Variants in PECR observed in about 807,000 individuals in gnomAD.
PECR encodes peroxisomal trans-2-enoyl-CoA reductase, also known as 2,4-dienoyl-CoA reductase-related protein.
A neutral mutation model predicts 35.3 loss-of-function variants in PECR; 30 were observed. That is an observed-to-expected ratio of 0.85 (90% confidence interval 0.64 to 1.15). The LOEUF is 1.15. Among genes scored for constraint, PECR ranks in the 50% most tolerant of loss-of-function variants. The pLI is 0.00. For missense variants in PECR, 392 were observed against 370.8 expected, an observed-to-expected ratio of 1.06 and a Z score of -0.47; for synonymous variants, 148 against 138.9, an observed-to-expected ratio of 1.07 and a Z score of -0.46.
rs112289571 is a variant in PECR, at chr2:216,029,529, C to G, written c.*440+9662G>C. 3.9e-3 allele frequency among the ~76,000 whole-genome samples: 590 copies of G among 152,296 alleles called. 4 individuals carry two copies. The highest frequency in any genetic ancestry group is 0.013 in the African/African-American group (559 of 41,572). On this transcript the variant is annotated intron_variant and NMD_transcript_variant, in intron 7 of 7. Coordinates refer to the PECR transcript ENST00000442122. ...GACGACAAAGGCAAAATGATAAACA[C>G]AAGGCAGAAGGTGCTTATGCACCTC...
chr2:216,045,840 G>A (rs1377903694), intron 6 of PECR, among the ~76,000 whole-genome samples: 2 of 152,172 alleles, frequency 1.3e-5, no homozygotes, highest in Non-Finnish European at 2.9e-5. Context: ...TCCCACCCAA[G>A]TAGTCACAAC....
chr2:216,035,577 C>A (rs1390803291), downstream of PECR, among the ~76,000 whole-genome samples: 1 of 151,952 alleles, frequency 6.6e-6, no homozygotes, highest in Non-Finnish European at 1.5e-5. Flanking sequence ...AATCTCCGCC[C>A]TCAGGTTCAA....
At chr2:216,058,466 G>C (rs1048966721) in intron 4 of PECR, among the ~76,000 whole-genome samples, 1 of 152,072 alleles carries the variant, frequency 6.6e-6, no homozygotes, top group Non-Finnish European at 1.5e-5. Context: ...CTGTTAGGAG[G>C]AACAACTTAG....
At chr2:216,052,836 G>T (rs1378004356) in intron 4 of PECR, among the ~76,000 whole-genome samples, 2 of 152,080 alleles carry the variant, frequency 1.3e-5, no homozygotes, top group Non-Finnish European at 2.9e-5. Context: ...CTGTCTCACA[G>T]TTCACGAATG....
At chr2:216,045,684 A>T (rs1694975701) in intron 6 of PECR, among the ~76,000 whole-genome samples, 1 of 152,254 alleles carries the variant, frequency 6.6e-6, no homozygotes, top group Non-Finnish European at 1.5e-5. Flanking sequence ...GTACTGAGAC[A>T]TGGTAACAAG....
At chr2:216,065,991 G>A (rs1429032243) in intron 2 of PECR, among the ~76,000 whole-genome samples, 3 of 152,196 alleles carry the variant, frequency 2.0e-5, no homozygotes, top group African/African-American at 7.2e-5. Context: ...GGGCATGGTG[G>A]CATGCACCTA....
At chr2:216,031,409 GAAGAAAGGAAGAAAGAAAGAA>G (rs1177745034) in intron 7 of PECR, among the ~76,000 whole-genome samples, 77 of 111,754 alleles carry the variant, frequency 6.9e-4, no homozygotes, top group East Asian at 3.0e-3. Flanking sequence ...AGGAAGAAAG[GAAGAAAGGAAGAAAGAAAGAA>G]AAGAAAGAAA....
chr2:216,047,708 G>A (rs1695022708), intron 6 of PECR, among the ~76,000 whole-genome samples: 1 of 152,112 alleles, frequency 6.6e-6, no homozygotes, highest in Non-Finnish European at 1.5e-5. Flanking sequence ...ATACCATGAA[G>A]GGTAATCCTC....
In PECR at chr2:216,038,490, C is replaced by G. The variant is rs1027493098; in HGVS notation, c.*785G>C. 6.6e-6 allele frequency: 1 copy of G among 152,206 alleles called. No individual in the cohort carries two copies. Among genetic ancestry groups the G allele is most frequent in the Non-Finnish European group, 1.5e-5 (1 of 68,034 alleles). The allele number at this position is 152,206 out of a possible 1,614,324, so 9.4% of individuals were successfully genotyped here. A position where few individuals can be genotyped will look rare whatever the true frequency, so the allele number is the denominator to read the frequency against. ...CAATAATTACCATAAGGCATTATTGCTCCTAAAGTATTTGCCACCAAAAAT... is the reference window on the plus strand; with the variant it reads ...CAATAATTACCATAAGGCATTATTGGTCCTAAAGTATTTGCCACCAAAAAT... On this transcript the variant is annotated 3_prime_UTR_variant, in exon 8 of 8. Transcript: ENST00000265322.
chr2:216,062,379 A>G (rs893308052), intron 3 of PECR, among the ~76,000 whole-genome samples: 1 of 152,158 alleles, frequency 6.6e-6, no homozygotes, highest in Non-Finnish European at 1.5e-5. Context: ...GGTATACAGA[A>G]ATCCATTGTA....
chr2:216,048,038 T>C (rs1695029239), intron 6 of PECR, among the ~76,000 whole-genome samples: 1 of 151,766 alleles, frequency 6.6e-6, no homozygotes, highest in Admixed American at 6.6e-5. Context: ...TTCATTTTTA[T>C]TATTGTGGGA....
intron 1 of PECR, among the ~76,000 whole-genome samples, chr2:216,067,680 C>T (rs932405132): frequency 6.6e-6 from 1 of 151,964 alleles, no homozygotes; most frequent in Non-Finnish European, 1.5e-5. Context: ...CCTCAGCCCC[C>T]CAAGTAGCTG....
intron 1 of PECR, among the ~76,000 whole-genome samples, chr2:216,079,685 T>C (rs1388553745): frequency 6.7e-6 from 1 of 148,560 alleles, no homozygotes; most frequent in Non-Finnish European, 1.5e-5. Flanking sequence ...ATATATTTTA[T>C]TAAAAGTAAA....
At chr2:216,072,810 T>C (rs1308883892) in intron 1 of PECR, among the ~76,000 whole-genome samples, 1 of 152,220 alleles carries the variant, frequency 6.6e-6, no homozygotes, top group African/African-American at 2.4e-5. Flanking sequence ...CTACTATGAA[T>C]AGTGCTGTGA....
intron 7 of PECR, among the ~76,000 whole-genome samples, chr2:216,029,454 C>G (rs1033498394): frequency 7.9e-6 from 1 of 126,988 alleles, no homozygotes; most frequent in Non-Finnish European, 1.7e-5. Flanking sequence ...CTCCGCCTGG[C>G]GAGAGAGTGA....
chr2:216,057,071 A>G (rs1405474195), intron 4 of PECR, among the ~76,000 whole-genome samples: 1 of 152,190 alleles, frequency 6.6e-6, no homozygotes, highest in Admixed American at 6.5e-5. Context: ...TTACATATGC[A>G]TGAAAGAGGA....
intron 7 of PECR, among the ~76,000 whole-genome samples, chr2:216,033,348 C>T (rs746481362): frequency 2.0e-4 from 30 of 152,072 alleles, no homozygotes; most frequent in Middle Eastern, 3.2e-3. Context: ...AGTAATTTTG[C>T]ATACAAATTC....
At chr2:216,052,618 T>C (rs1013694256) in intron 4 of PECR, among the ~76,000 whole-genome samples, 3 of 152,242 alleles carry the variant, frequency 2.0e-5, no homozygotes, top group Non-Finnish European at 4.4e-5. Flanking sequence ...TTCCTCCAGC[T>C]GCTTTTAAGA....
intron 4 of PECR, 147 bp from the exon 5 acceptor site, chr2:216,051,692 C>A: frequency 7.2e-6 from 5 of 691,046 alleles, no homozygotes; most frequent in Admixed American, 4.4e-5. Flanking sequence ...TCTGTCTAAA[C>A]AACGAAGAAA....
Sources: gnomAD v4.1 joint callset for allele counts (sites outside exome capture counted in the v4.1 genomes callset) on GRCh38, gnomAD v4.1.1 for gene constraint, MANE v1.5 for transcripts, NCBI Gene and HGNC (gene_info 2026-07-23, HGNC 2026-07-21) for gene names.